GPC6: variants seen among roughly 807,000 people sequenced by gnomAD.
The protein encoded by GPC6 is glypican-6.
Under a neutral mutation model 55.2 loss-of-function variants are expected in GPC6, and 14 were observed. The observed-to-expected ratio is 0.25, with a 90% confidence interval of 0.17 to 0.40. GPC6 has a LOEUF of 0.40. GPC6 is among the 10% of genes least tolerant of loss of function. GPC6 has a pLI of 1.00. For missense variants in GPC6, 641 were observed against 708.5 expected, an observed-to-expected ratio of 0.90 and a Z score of 1.08; for synonymous variants, 278 against 259.6, an observed-to-expected ratio of 1.07 and a Z score of -0.68.
intron 4 of GPC6, among the ~76,000 whole-genome samples, chr13:94,072,363 G>C (rs1259479368): frequency 1.3e-5 from 2 of 151,918 alleles, no homozygotes; most frequent in African/African-American, 2.4e-5. Context: ...TTGCCTGTTT[G>C]TTTGTTTTTG....
intron 2 of GPC6, among the ~76,000 whole-genome samples, chr13:93,800,306 G>GC (rs1161858949): frequency 6.6e-6 from 1 of 152,168 alleles, no homozygotes; most frequent in East Asian, 1.9e-4. Flanking sequence ...AAACCATAAA[G>GC]ACCAGAGCTT....
intron 6 of GPC6, among the ~76,000 whole-genome samples, chr13:94,316,427 A>C (rs1213528658): frequency 6.6e-6 from 1 of 152,230 alleles, no homozygotes; most frequent in African/African-American, 2.4e-5. Context: ...GCAATAAAGA[A>C]ACAGAATGGG....
At chr13:93,680,948 T>C (rs1050584427) in intron 2 of GPC6, among the ~76,000 whole-genome samples, 1 of 152,152 alleles carries the variant, frequency 6.6e-6, no homozygotes, top group African/African-American at 2.4e-5. Context: ...GGTACCAGAC[T>C]GGGCAAGTGA....
chr13:93,712,249 C>T (rs4454830), intron 2 of GPC6, among the ~76,000 whole-genome samples: 119,694 of 151,592 alleles, frequency 0.79, 48,618 homozygotes, highest in Non-Finnish European at 0.9. Context: ...TGGAGTAATG[C>T]GCAAAAATGC....
At chr13:93,222,899 A>G (rs2138989704), upstream of GPC6, among the ~76,000 whole-genome samples, 1 of 151,906 alleles carries the variant, frequency 6.6e-6, no homozygotes, top group South Asian at 2.1e-4. Context: ...GCATCCCTCC[A>G]TTGTCATTGT....
At chr13:94,375,205 T>G (rs1385374050) in intron 6 of GPC6, among the ~76,000 whole-genome samples, 12 of 151,320 alleles carry the variant, frequency 7.9e-5, no homozygotes, top group Non-Finnish European at 1.3e-4. Context: ...AAGAAATAAC[T>G]AAAATCAGAG....
intron 2 of GPC6, among the ~76,000 whole-genome samples, chr13:93,615,904 C>T (rs1038432726): frequency 1.3e-5 from 2 of 152,096 alleles, no homozygotes; most frequent in Non-Finnish European, 2.9e-5. Context: ...TGTGTAGTGC[C>T]TGGCACATAC....
chr13:94,336,065 G>A (rs928528546), intron 6 of GPC6, among the ~76,000 whole-genome samples: 3 of 152,214 alleles, frequency 2.0e-5, no homozygotes, highest in African/African-American at 7.2e-5. Flanking sequence ...TGAGTAAAAT[G>A]CCCTGCAAAG....
intron 3 of GPC6, among the ~76,000 whole-genome samples, chr13:93,891,015 A>T: frequency 6.6e-6 from 1 of 152,164 alleles, no homozygotes; most frequent in East Asian, 1.9e-4. Flanking sequence ...AGGAGAAACA[A>T]CTAAAATATG....
chr13:93,975,441 G>T (rs1418833157), intron 3 of GPC6, among the ~76,000 whole-genome samples: 1 of 152,118 alleles, frequency 6.6e-6, no homozygotes, highest in Non-Finnish European at 1.5e-5. Context: ...AGTTATTCAT[G>T]AATGATGAGC....
chr13:93,521,015 A>C (rs1312730106), intron 1 of GPC6, among the ~76,000 whole-genome samples: 1 of 151,978 alleles, frequency 6.6e-6, no homozygotes, highest in African/African-American at 2.4e-5. Flanking sequence ...GAACTTTAGT[A>C]ATCTAATTGT....
At chr13:93,344,532 A>G (rs780022804) in intron 1 of GPC6, among the ~76,000 whole-genome samples, 4 of 151,908 alleles carry the variant, frequency 2.6e-5, no homozygotes, top group African/African-American at 4.8e-5. Context: ...TCTGAGCCCC[A>G]TTTCCTCCTC....
chr13:93,580,068 C>A (rs1056814271), intron 2 of GPC6, among the ~76,000 whole-genome samples: 1 of 152,180 alleles, frequency 6.6e-6, no homozygotes, highest in African/African-American at 2.4e-5. Context: ...ACTGGGTGGT[C>A]TGTAAACAAC....
At chr13:93,220,164 C>T in the GPC6 span, among the ~76,000 whole-genome samples, 2 of 152,234 alleles carry the variant, frequency 1.3e-5, no homozygotes, top group Non-Finnish European at 2.9e-5. Flanking sequence ...ATCTGTGAAA[C>T]CATTTTAATA....
chr13:93,449,063 G>C (rs1266233068), intron 1 of GPC6, among the ~76,000 whole-genome samples: 1 of 152,220 alleles, frequency 6.6e-6, no homozygotes, highest in Admixed American at 6.5e-5. Flanking sequence ...GAATTCTTGA[G>C]CCAAATACCC....
chr13:93,317,996 A>G (rs1879300741), intron 1 of GPC6, among the ~76,000 whole-genome samples: 1 of 152,296 alleles, frequency 6.6e-6, no homozygotes, highest in South Asian at 2.1e-4. Flanking sequence ...TGTCCCGTCA[A>G]ACATACCTTT....
At chr13:93,988,884 T>C (rs899875637) in intron 3 of GPC6, among the ~76,000 whole-genome samples, 6 of 152,026 alleles carry the variant, frequency 3.9e-5, no homozygotes, top group African/African-American at 9.7e-5. Context: ...ATGTTAAAGG[T>C]AAAAATAAAT....
At position 94,076,556 on chromosome 13, in the gene GPC6, T is replaced by A. The variant is rs533937898; in HGVS notation, c.877+48662T>A. The stretch of plus-strand genomic sequence containing the variant: ...TTGATATCCAAAAAATTATTGCTAA[T>A]GCCAATGTCAAGAAGCTTTTCCTGT... On this transcript the variant is annotated intron_variant, in intron 4 of 8. Transcript: ENST00000377047. Among the ~76,000 whole-genome samples, 30 of 152,120 alleles carry A rather than the reference T, an allele frequency of 2.0e-4. No individual in the cohort carries two copies. The South Asian group carries it at 6.0e-3, about 30-fold the overall frequency.
At chr13:94,377,452 T>C (rs879734528) in intron 6 of GPC6, among the ~76,000 whole-genome samples, 1 of 145,838 alleles carries the variant, frequency 6.9e-6, no homozygotes, top group Non-Finnish European at 1.5e-5. Flanking sequence ...AAAATGCTCA[T>C]CATCACTGGC....
Sources: gnomAD v4.1 joint callset for allele counts (sites outside exome capture counted in the v4.1 genomes callset) on GRCh38, gnomAD v4.1.1 for gene constraint, MANE v1.5 for transcripts, NCBI Gene and HGNC (gene_info 2026-07-23, HGNC 2026-07-21) for gene names.